ATP11C: variants seen among roughly 807,000 people sequenced by gnomAD.
The protein encoded by ATP11C is phospholipid-transporting ATPase IG.
ATP11C carries 36 observed loss-of-function variants against 97.4 expected under a neutral mutation model. The ratio of observed to expected loss-of-function variants is 0.37; its 90% CI spans 0.28 to 0.49. The LOEUF is 0.49. ATP11C is among the 20% of genes least tolerant of loss of function. The pLI is 0.98. For missense variants in ATP11C, 730 were observed against 824.6 expected (o/e 0.89, Z 1.40); for synonymous variants, 275 against 290.9 (o/e 0.95, Z 0.56).
chrX:139,917,166 C>A (rs1033264965), intron 1 of ATP11C, among the ~76,000 whole-genome samples: 3 of 110,682 alleles, frequency 2.7e-5, no homozygotes, highest in Non-Finnish European at 3.8e-5. Context: ...AACTCAAAGT[C>A]GATTGAAGAT....
intron 1 of ATP11C, among the ~76,000 whole-genome samples, chrX:139,856,868 C>G (rs1031991695): frequency 9.0e-6 from 1 of 111,663 alleles, no homozygotes; most frequent in South Asian, 3.8e-4. Context: ...AATAGGACAG[C>G]CTTAGACATG....
At chrX:139,755,406 T>A (rs187959295) in intron 23 of ATP11C, among the ~76,000 whole-genome samples, 2 of 112,259 alleles carry the variant, frequency 1.8e-5, no homozygotes, top group African/African-American at 3.2e-5. Context: ...ATGGTCATAT[T>A]GCCCCAGGCA....
At chrX:139,813,771 C>A (rs751717341) in intron 5 of ATP11C, among the ~76,000 whole-genome samples, 1 of 111,283 alleles carries the variant, frequency 9.0e-6, no homozygotes, top group South Asian at 3.8e-4. Flanking sequence ...AAGGAATGAA[C>A]AGGAAGAGAA....
intron 1 of ATP11C, among the ~76,000 whole-genome samples, chrX:139,886,207 G>A (rs2084638631): frequency 1.8e-5 from 2 of 110,364 alleles, no homozygotes; most frequent in South Asian, 7.7e-4. Context: ...TCAATATATA[G>A]AAATTGTTTT....
chrX:139,780,361 C>G (rs759228064), intron 18 of ATP11C, among the ~76,000 whole-genome samples: 8 of 111,387 alleles, frequency 7.2e-5, no homozygotes, highest in African/African-American at 2.6e-4. Context: ...CATGATCAAA[C>G]GGGTTTTATT....
intron 27 of ATP11C, among the ~76,000 whole-genome samples, chrX:139,739,573 T>A (rs2081513880): frequency 9.0e-6 from 1 of 111,653 alleles, no homozygotes; most frequent in African/African-American, 3.2e-5. Context: ...TGATAATACT[T>A]CAGGCAATAA....
chrX:139,934,009 T>C (rs1365519832), upstream of ATP11C, among the ~76,000 whole-genome samples: 2 of 111,203 alleles, frequency 1.8e-5, no homozygotes, highest in African/African-American at 6.5e-5. Flanking sequence ...GTTTGGGAAG[T>C]TTTCCTAAAA....
At chrX:139,924,105 A>G (rs1332927132) in intron 1 of ATP11C, 3 of 381,397 alleles carry the variant, frequency 7.9e-6, no homozygotes, top group East Asian at 7.6e-5. Flanking sequence ...GAGCAGTAAC[A>G]AAAGTCCAAA....
At chrX:139,916,749 A>T (rs193138067) in intron 1 of ATP11C, among the ~76,000 whole-genome samples, 6 of 111,462 alleles carry the variant, frequency 5.4e-5, no homozygotes, top group African/African-American at 1.6e-4. Flanking sequence ...AATTAAAAAA[A>T]ATATATATCC....
chrX:139,853,358 CAGAG>C (rs1259171485), intron 1 of ATP11C, among the ~76,000 whole-genome samples: 2 of 103,628 alleles, frequency 1.9e-5, no homozygotes, highest in African/African-American at 7.2e-5. Context: ...AGGGGAAAGA[CAGAG>C]AGGGGAAGAA....
At chrX:139,764,175 AT>A (rs1364072236) in intron 20 of ATP11C, among the ~76,000 whole-genome samples, 1 of 111,908 alleles carries the variant, frequency 8.9e-6, no homozygotes, top group Non-Finnish European at 1.9e-5. Context: ...AACTTACCTA[AT>A]GTTAAATTAT....
At chrX:139,912,640 AAC>A (rs2085095726) in intron 1 of ATP11C, among the ~76,000 whole-genome samples, 1 of 111,752 alleles carries the variant, frequency 8.9e-6, no homozygotes, top group South Asian at 3.7e-4. Context: ...TTAGGAAATA[AAC>A]AGATACTTGT....
intron 29 of ATP11C, 83 bp from the exon 30 acceptor site, chrX:139,729,045 G>A (rs937742834): frequency 6.6e-6 from 5 of 759,189 alleles, no homozygotes; most frequent in Middle Eastern, 8.1e-4. Context: ...GAAATAAGTA[G>A]TAAATTTTGT....
intron 1 of ATP11C, among the ~76,000 whole-genome samples, chrX:139,928,657 T>A (rs2148191941): frequency 8.9e-6 from 1 of 112,016 alleles, no homozygotes; most frequent in South Asian, 3.7e-4. Flanking sequence ...TGCAGTCTAA[T>A]TTCTTCCTAG....
chrX:139,737,577 C>A (rs920560742), intron 28 of ATP11C, among the ~76,000 whole-genome samples: 3 of 111,038 alleles, frequency 2.7e-5, no homozygotes, highest in Admixed American at 9.6e-5. Flanking sequence ...AAGTTTAAAG[C>A]GAAAATGTTG....
At chrX:139,927,519 G>A (rs771949646) in intron 1 of ATP11C, among the ~76,000 whole-genome samples, 5 of 111,153 alleles carry the variant, frequency 4.5e-5, no homozygotes, top group Non-Finnish European at 5.7e-5. Flanking sequence ...CAGGAGAATC[G>A]CTTGAACTCG....
At chrX:139,926,311 AT>A (rs771900687) in intron 1 of ATP11C, among the ~76,000 whole-genome samples, 88 of 107,866 alleles carry the variant, frequency 8.2e-4, no homozygotes, top group African/African-American at 1.3e-3. Flanking sequence ...AAAAAATAGT[AT>A]TTTTTTTTTA....
chrX:139,764,314 C>A (rs1004107142), intron 20 of ATP11C, among the ~76,000 whole-genome samples: 1 of 112,615 alleles, frequency 8.9e-6, no homozygotes, highest in Non-Finnish European at 1.9e-5. Context: ...AGAAAGATGT[C>A]CAAGATATGT....
At chrX:139,927,298 T>C (rs1382555295) in intron 1 of ATP11C, among the ~76,000 whole-genome samples, 2 of 111,793 alleles carry the variant, frequency 1.8e-5, no homozygotes, top group Non-Finnish European at 3.8e-5. Context: ...AACCATACAA[T>C]GCCTTAATCA....
Sources: gnomAD v4.1 joint callset for allele counts (sites outside exome capture counted in the v4.1 genomes callset) on GRCh38, gnomAD v4.1.1 for gene constraint, MANE v1.5 for transcripts, NCBI Gene and HGNC (gene_info 2026-07-23, HGNC 2026-07-21) for gene names.